ANK2: variants seen among roughly 807,000 people sequenced by gnomAD.
ANK2 encodes the protein ankyrin 2.
ANK2 carries 83 observed loss-of-function variants against 360.5 expected under a neutral mutation model. The ratio of observed to expected loss-of-function variants is 0.23; its 90% CI spans 0.19 to 0.28. The LOEUF (loss-of-function observed/expected upper bound fraction) is 0.28, where lower values mean the gene tolerates loss of function less well. Ranked by LOEUF, ANK2 falls within the 10% of genes least tolerant of loss-of-function variation. The pLI is 1.00. For synonymous variants in ANK2, 1,740 were observed against 1,759.5 expected (o/e 0.99, Z 0.28); for missense variants, 4,201 against 4,795.7 (o/e 0.88, Z 3.66).
At chr4:113,297,827 C>T (rs1027976701) in intron 22 of ANK2, among the ~76,000 whole-genome samples, 1 of 151,820 alleles carries the variant, frequency 6.6e-6, no homozygotes, top group East Asian at 1.9e-4. Flanking sequence ...CGCTGTTGCC[C>T]AGGCTGAAGT....
Position 113,373,410 on chromosome 4 carries a change from A to G in ANK2, c.11820A>G (p.Ile3940Met), listed in dbSNP as rs1350969060. The change falls in exon 45 of 46, where the codon ATA (isoleucine) becomes ATG (methionine). Residue 3940 changes from isoleucine to methionine, a missense_variant. This residue lies in a region of ANK2 where 2,642 missense variants were observed against 2,714.5 expected (regional missense o/e 0.97). Transcript: ENST00000357077. ...AAGGGGATGGCTATTCCAAAGTTATAAAGCGTGTTGTATTGAAGAGTGACA... is the reference window on the plus strand; with the variant it reads ...AAGGGGATGGCTATTCCAAAGTTATGAAGCGTGTTGTATTGAAGAGTGACA... ...IEEGDGYSKVIKRVVLKSDTE... is the reference protein window; with the variant it reads ...IEEGDGYSKVMKRVVLKSDTE... The G allele has an allele frequency of 8.1e-6, 13 of 1,614,218 alleles. No homozygotes were observed. Among genetic ancestry groups the G allele is most frequent in the Non-Finnish European group, 1.1e-5 (13 of 1,180,030 alleles).
the ANK2 span, among the ~76,000 whole-genome samples, chr4:112,796,095 TG>T: frequency 6.6e-6 from 1 of 152,100 alleles, no homozygotes; most frequent in African/African-American, 2.4e-5. Flanking sequence ...CCACAGCACC[TG>T]GCTGAGATGA....
intron 2 of ANK2, among the ~76,000 whole-genome samples, chr4:112,970,696 G>T (rs1352151723): frequency 3.5e-4 from 53 of 152,132 alleles, no homozygotes; most frequent in Non-Finnish European, 2.9e-5. Flanking sequence ...TCTATTTAAT[G>T]GTGGGGAGAG....
intron 2 of ANK2, among the ~76,000 whole-genome samples, chr4:113,014,794 A>T (rs2055969804): frequency 6.7e-6 from 1 of 149,526 alleles, no homozygotes; most frequent in Admixed American, 6.7e-5. Context: ...GGAGCCAATA[A>T]TCTCATCATA....
chr4:112,939,750 T>A (rs2094061085), intron 2 of ANK2, among the ~76,000 whole-genome samples: 1 of 152,218 alleles, frequency 6.6e-6, no homozygotes, highest in African/African-American at 2.4e-5. Context: ...CCAATGCCCT[T>A]CCTGGAAGCC....
chr4:113,372,389 G>A (rs201432089), intron 43 of ANK2: 15 of 571,338 alleles, frequency 2.6e-5, no homozygotes, highest in East Asian at 2.1e-4. Flanking sequence ...AGACCAGCAC[G>A]TATTTGTTTT....
At chr4:113,200,908 G>A (rs946891717) in intron 4 of ANK2, among the ~76,000 whole-genome samples, 1 of 151,924 alleles carries the variant, frequency 6.6e-6, no homozygotes, top group African/African-American at 2.4e-5. Context: ...GCTAGGGGAG[G>A]GATAGTATTA....
chr4:113,357,755 G>A lies in ANK2; in HGVS notation c.9137G>A (p.Ser3046Asn), dbSNP rs748521267. ...TKTDVDSDSWSEIREDDEAFE... is the reference protein window; with the variant it reads ...TKTDVDSDSWNEIREDDEAFE... Reference sequence around the variant, plus strand: ...ACTGATGTGGATTCTGATTCTTGGAGTGAAATTCGGGAAGACGATGAAGCC... The same window carrying A: ...ACTGATGTGGATTCTGATTCTTGGAATGAAATTCGGGAAGACGATGAAGCC... The change falls in exon 38 of 46, where the codon AGT becomes AAT. Residue 3046 changes from serine to asparagine, a missense_variant. By Grantham distance (46) the Ser-to-Asn change is conservative. Transcript: ENST00000357077. The A allele has an allele frequency of 1.7e-5, 27 of 1,613,936 alleles. No homozygotes were observed. The highest frequency in any genetic ancestry group is 6.7e-5 in the African/African-American group (5 of 74,912).
At chr4:113,207,686 C>CAAAAAA (rs34818513) in intron 4 of ANK2, among the ~76,000 whole-genome samples, 623 of 101,128 alleles carry the variant, frequency 6.2e-3, no homozygotes, top group Non-Finnish European at 8.6e-3. Context: ...GATCACAAAG[C>CAAAAAA]AAAAAAAAAA....
At chr4:112,754,042 G>A in the ANK2 span, among the ~76,000 whole-genome samples, 1 of 149,118 alleles carries the variant, frequency 6.7e-6, no homozygotes, top group African/African-American at 2.5e-5. Context: ...AGGTTGCAGT[G>A]AGCCGAGATT....
chr4:113,332,875 C>T (rs1484172283), intron 28 of ANK2, 179 bp from the exon 29 acceptor site: 2 of 760,484 alleles, frequency 2.6e-6, no homozygotes, highest in Non-Finnish European at 4.4e-6. Flanking sequence ...GATTGGTGCC[C>T]CTGAGGTGGA....
intron 14 of ANK2, among the ~76,000 whole-genome samples, chr4:113,269,807 C>T (rs2057827327): frequency 2.0e-5 from 3 of 152,226 alleles, no homozygotes; most frequent in Non-Finnish European, 4.4e-5. Flanking sequence ...CCTTTCTAGA[C>T]TTTCTTAACA....
chr4:113,279,984 CAT>C (rs1220630495), intron 17 of ANK2, among the ~76,000 whole-genome samples: 1 of 151,956 alleles, frequency 6.6e-6, no homozygotes, highest in African/African-American at 2.4e-5. Flanking sequence ...TGTTTAATAA[CAT>C]ATGTGAGTTC....
intron 9 of ANK2, among the ~76,000 whole-genome samples, chr4:113,245,397 G>A (rs774492004): frequency 3.3e-5 from 5 of 152,164 alleles, no homozygotes; most frequent in African/African-American, 7.2e-5. Flanking sequence ...AGAACTGCCC[G>A]AGATTGGGTA....
chr4:112,895,062 G>C (rs2081329953), intron 1 of ANK2, among the ~76,000 whole-genome samples: 1 of 152,240 alleles, frequency 6.6e-6, no homozygotes, highest in African/African-American at 2.4e-5. Context: ...TCCTGATGGA[G>C]ATGCTTAGAG....
At chr4:112,738,603 T>C in the ANK2 span, 2 of 500,560 alleles carry the variant, frequency 4.0e-6, no homozygotes, top group Non-Finnish European at 7.7e-6. Context: ...GAATTGTGAG[T>C]TAAAAACTAC....
chr4:113,045,444 A>G (rs1455733842), upstream of ANK2, among the ~76,000 whole-genome samples: 2 of 152,194 alleles, frequency 1.3e-5, no homozygotes, highest in Non-Finnish European at 2.9e-5. Context: ...TTCAAATCTG[A>G]TGAACTTAAG....
Position 113,327,931 on chromosome 4 carries a change from A to C in ANK2, c.2901-2315A>C, listed in dbSNP as rs964733392. 3.9e-5 allele frequency among the ~76,000 whole-genome samples: 6 copies of C among 152,226 alleles called. 1 individual carries two copies. Among genetic ancestry groups the C allele is most frequent in the Non-Finnish European group, 8.8e-5 (6 of 68,040 alleles). On this transcript the variant is annotated intron_variant, in intron 26 of 45. Transcript: ENST00000357077. ...TTTCAAGAGACACAGTCAATGACAC[A>C]ATCAGGGCAAGTAATCTAACCTGTA...
At chr4:112,968,988 A>T (rs2038406438) in intron 2 of ANK2, among the ~76,000 whole-genome samples, 1 of 152,202 alleles carries the variant, frequency 6.6e-6, no homozygotes, top group Non-Finnish European at 1.5e-5. Context: ...CATCAGAATT[A>T]TTCAGCTAGC....
Sources: allele counts gnomAD v4.1 joint callset (sites outside exome capture counted in the v4.1 genomes callset), GRCh38; gene constraint gnomAD v4.1.1; regional missense constraint gnomAD v4.1.1; transcripts MANE v1.5; gene names NCBI Gene and HGNC (gene_info 2026-07-23, HGNC 2026-07-21).